Variants in ACTG2 observed in about 807,000 individuals in gnomAD.
ACTG2 encodes actin, gamma-enteric smooth muscle.
Under a neutral mutation model 37.6 loss-of-function variants are expected in ACTG2, and 16 were observed. The observed-to-expected ratio is 0.43, with a 90% CI of 0.29 to 0.65. The LOEUF is 0.65. Ranked by LOEUF, ACTG2 falls within the 30% of genes least tolerant of loss-of-function variation. ACTG2 has a pLI of 0.18. For synonymous variants in ACTG2, 181 were observed against 179.9 expected, an observed-to-expected ratio of 1.01 and a Z score of -0.05; for missense variants, 238 against 490.9, an observed-to-expected ratio of 0.48 and a Z score of 4.87.
rs1395782111 is a variant in ACTG2 at position 73,907,664 on chromosome 2, TAG to T, written c.256-1005_256-1004del. Among the ~76,000 whole-genome samples the T allele has an allele frequency of 1.3e-4, 20 of 152,242 alleles. No homozygotes were observed. The East Asian group carries it at 3.7e-3, about 28-fold the overall frequency. On this transcript the variant is annotated intron_variant, in intron 3 of 8. Coordinates refer to ENST00000345517, the MANE Select transcript of ACTG2 (RefSeq NM_001615.4). Reference sequence around the variant, plus strand: ...GCCTGGCTAATTTTTTATCTTTTTGTAGAGACAGGCCCACAGTGTGTTGCCCA... The same window carrying T: ...GCCTGGCTAATTTTTTATCTTTTTGTAGACAGGCCCACAGTGTGTTGCCCA...
intron 5 of ACTG2, among the ~76,000 whole-genome samples, chr2:73,911,589 C>T (rs1250611726): frequency 6.6e-6 from 1 of 152,170 alleles, no homozygotes; most frequent in East Asian, 1.9e-4. Context: ...AATGTATGTG[C>T]TGTACTTTTA....
At chr2:73,901,464 G>A (rs753409338) in intron 2 of ACTG2, 27 bp downstream of exon 2, 2 of 1,612,256 alleles carry the variant, frequency 1.2e-6, no homozygotes, top group South Asian at 1.1e-5. Context: ...ATACCACCAG[G>A]CTTTGAGCCA....
rs116997645 is a variant in ACTG2, at chr2:73,915,292, G to A, written c.805+421G>A. On this transcript the variant is annotated intron_variant, in intron 7 of 8. Coordinates refer to ENST00000345517, the MANE Select transcript of ACTG2 (RefSeq NM_001615.4). ...CCCAGCACTTTGGGAGGCTGAGGCAGGCAGATCACTTGAGCCTGTGAGTTT... is the reference window on the plus strand; with the variant it reads ...CCCAGCACTTTGGGAGGCTGAGGCAAGCAGATCACTTGAGCCTGTGAGTTT... Among the ~76,000 whole-genome samples the A allele has an allele frequency of 2.9e-3, 442 of 151,988 alleles. 16 individuals carry two copies. In the East Asian group the frequency reaches 0.076, roughly 26 times the overall value.
intron 2 of ACTG2, among the ~76,000 whole-genome samples, chr2:73,902,018 C>T (rs919058224): frequency 2.7e-5 from 4 of 146,342 alleles, no homozygotes; most frequent in African/African-American, 5.1e-5. Flanking sequence ...GCATACAAGT[C>T]GTGTGTGTGT....
chr2:73,911,482 C>CA (rs1268938582), intron 5 of ACTG2, among the ~76,000 whole-genome samples: 259 of 145,058 alleles, frequency 1.8e-3, no homozygotes, highest in African/African-American at 4.9e-3. Flanking sequence ...GGGTGACACT[C>CA]AAAAAAAAAA....
intron 7 of ACTG2, 145 bp from the exon 8 acceptor site, chr2:73,916,439 G>T: frequency 1.5e-6 from 1 of 685,836 alleles, no homozygotes; most frequent in South Asian, 2.0e-5. Context: ...ACAAGGAAGG[G>T]GGTATGATCT....
At chr2:73,916,828 T>A in intron 8 of ACTG2, 63 bp downstream of exon 8, 1 of 1,559,378 alleles carries the variant, frequency 6.4e-7, no homozygotes, top group Non-Finnish European at 8.7e-7. Context: ...ACCTGGGAGT[T>A]CCTCGGAGGC....
In ACTG2 at chr2:73,895,834, T is replaced by G. The variant is rs1042067181; in HGVS notation, c.-37+2783T>G. ...ACGACAGGGATTGACGAAGCCCGGATAGTAAATATTTTAGGCTTTCGGAGC... is the reference window on the plus strand; with the variant it reads ...ACGACAGGGATTGACGAAGCCCGGAGAGTAAATATTTTAGGCTTTCGGAGC... On this transcript the variant is annotated intron_variant, in intron 1 of 8. Transcript: ENST00000345517. Among the ~76,000 whole-genome samples the G allele has an allele frequency of 2.0e-5, 3 of 152,298 alleles. No homozygotes were observed. The East Asian group carries it at 5.8e-4, about 29-fold the overall frequency.
intron 3 of ACTG2, 176 bp downstream of exon 3, chr2:73,902,664 C>T (rs781065002): frequency 2.9e-5 from 45 of 1,551,928 alleles, no homozygotes; most frequent in Middle Eastern, 1.7e-4. Flanking sequence ...CAACATCTCT[C>T]CCTGGACTAT....
At chr2:73,893,758 T>G (rs1053186251) in intron 1 of ACTG2, among the ~76,000 whole-genome samples, 1 of 152,050 alleles carries the variant, frequency 6.6e-6, no homozygotes, top group Non-Finnish European at 1.5e-5. Context: ...TCCAAAAGAC[T>G]CACACCCAAC....
intron 1 of ACTG2, among the ~76,000 whole-genome samples, chr2:73,895,314 C>T (rs1447399774): frequency 1.3e-5 from 2 of 152,136 alleles, no homozygotes; most frequent in Admixed American, 1.3e-4. Context: ...GAAGATAAGG[C>T]ACCCACGACA....
Position 73,917,442 on chromosome 2 carries a change from G to A in ACTG2, c.987+677G>A, listed in dbSNP as rs549054605. 5.3e-5 allele frequency among the ~76,000 whole-genome samples: 8 copies of A among 152,268 alleles called. No homozygotes were observed. The East Asian group carries it at 9.7e-4, about 18-fold the overall frequency. ...TCTTGGCCATGCCCTTCCCCATACT[G>A]CCTCCCAACAGGGCCTCTCGCCTCC... On this transcript the variant is annotated intron_variant, in intron 8 of 8. Transcript: ENST00000345517.
chr2:73,905,096 G>A (rs1319229045), intron 3 of ACTG2, among the ~76,000 whole-genome samples: 1 of 151,998 alleles, frequency 6.6e-6, no homozygotes, highest in East Asian at 1.9e-4. Context: ...TCCAGCATCA[G>A]AAAGGAGGAA....
intron 5 of ACTG2, among the ~76,000 whole-genome samples, chr2:73,911,832 G>C (rs1009900025): frequency 2.0e-5 from 3 of 152,220 alleles, no homozygotes; most frequent in African/African-American, 7.2e-5. Flanking sequence ...CAGCGTAACA[G>C]AGGAAATCTC....
At chr2:73,904,382 T>G (rs947989115) in intron 3 of ACTG2, among the ~76,000 whole-genome samples, 1 of 151,562 alleles carries the variant, frequency 6.6e-6, no homozygotes, top group African/African-American at 2.4e-5. Context: ...ATAAATTATG[T>G]GCCTTAAGGC....
chr2:73,918,483 T>C (rs1411820007), intron 8 of ACTG2, among the ~76,000 whole-genome samples: 1 of 152,306 alleles, frequency 6.6e-6, no homozygotes, highest in East Asian at 1.9e-4. Flanking sequence ...CCATGATCTC[T>C]GTGATTTAGG....
chr2:73,913,353 C>A (rs755699249), intron 5 of ACTG2, 132 bp from the exon 6 acceptor site: 3 of 846,948 alleles, frequency 3.5e-6, no homozygotes, highest in South Asian at 3.8e-5. Context: ...ATTGATGATT[C>A]TTGTGATGGG....
intron 1 of ACTG2, among the ~76,000 whole-genome samples, chr2:73,896,159 C>G (rs1469031026): frequency 6.6e-6 from 1 of 152,060 alleles, no homozygotes; most frequent in Admixed American, 6.6e-5. Flanking sequence ...CATAGCAAGA[C>G]CCTGTTTCAA....
chr2:73,899,891 A>G (rs375921749), intron 1 of ACTG2, among the ~76,000 whole-genome samples: 6 of 152,196 alleles, frequency 3.9e-5, no homozygotes, highest in Non-Finnish European at 8.8e-5. Context: ...CCTCTCCCCT[A>G]GTATGAGCCT....
Sources: gnomAD v4.1 joint callset for allele counts (sites outside exome capture counted in the v4.1 genomes callset) on GRCh38, gnomAD v4.1.1 for gene constraint, MANE v1.5 for transcripts, NCBI Gene and HGNC (gene_info 2026-07-23, HGNC 2026-07-21) for gene names.